Variants in LAMA1 observed in about 807,000 individuals in gnomAD.
The protein encoded by LAMA1 is laminin subunit alpha 1, also known as laminin subunit alpha-1.
Under a neutral mutation model 348.7 loss-of-function variants are expected in LAMA1, and 219 were observed. The ratio of observed to expected loss-of-function variants is 0.63; its 90% CI spans 0.56 to 0.70. The LOEUF (loss-of-function observed/expected upper bound fraction) is 0.70. Among genes scored for constraint, LAMA1 ranks in the 30% least tolerant of loss-of-function variants. The probability of loss-of-function intolerance (pLI) is 0.00; values close to 1 mark genes in which losing one functional copy is unlikely to be tolerated. For synonymous variants in LAMA1, 1,487 were observed against 1,491.0 expected (o/e 1.00, Z 0.06); for missense variants, 3,744 against 3,888.0 (o/e 0.96, Z 0.99).
chr18:6,963,831 C>T (rs2057620233), intron 51 of LAMA1: 1 of 152,160 alleles, frequency 6.6e-6, no homozygotes, highest in Admixed American at 6.6e-5. Context: ...ACCAGCCACA[C>T]AAAGTTTCTG....
chr18:7,075,000 A>T (rs2058161546), intron 3 of LAMA1, among the ~76,000 whole-genome samples: 1 of 113,572 alleles, frequency 8.8e-6, no homozygotes, highest in African/African-American at 3.6e-5. Flanking sequence ...AAAAAAAAAA[A>T]AAAATGCTGT....
At chr18:6,990,065 T>C (rs1408171923) in intron 36 of LAMA1, among the ~76,000 whole-genome samples, 5 of 152,222 alleles carry the variant, frequency 3.3e-5, no homozygotes, top group Admixed American at 2.6e-4. Flanking sequence ...TGGTTAATCA[T>C]GTTCAAGTCA....
intron 60 of LAMA1, among the ~76,000 whole-genome samples, chr18:6,947,916 T>C (rs2186904): frequency 0.76 from 116,073 of 152,004 alleles, 45,793 homozygotes; most frequent in Non-Finnish European, 0.87. Context: ...GCTGAGGCCA[T>C]GGAGGGGGCT....
In LAMA1 at chr18:6,995,327, G is replaced by T. The variant is rs1173939936; in HGVS notation, c.4896+30C>A. 2.7e-6 allele frequency: 4 copies of T among 1,482,904 alleles called. No individual in the cohort carries two copies. The African/African-American group carries it at 5.5e-5, about 21-fold the overall frequency. The allele number at this position is 1,482,904 out of a possible 1,614,324, so 91.9% of individuals were successfully genotyped here. On this transcript the variant is annotated intron_variant, in intron 34 of 62. Coordinates refer to ENST00000389658, the MANE Select transcript of LAMA1 (RefSeq NM_005559.4). ...GAGGGCTGATGGGAGGGACCAGGAG[G>T]AAGGTTGGTTGGTTATGGAAAGAAT...
intron 32 of LAMA1, among the ~76,000 whole-genome samples, chr18:6,998,268 A>G (rs2057791896): frequency 6.6e-6 from 1 of 152,200 alleles, no homozygotes; most frequent in Admixed American, 6.5e-5. Flanking sequence ...AGAGGGGTGA[A>G]CACACGCTGA....
intron 57 of LAMA1, among the ~76,000 whole-genome samples, chr18:6,953,211 A>G (rs143938905): frequency 2.9e-4 from 41 of 141,328 alleles, no homozygotes; most frequent in African/African-American, 1.3e-3. Context: ...GCCCGTGTCC[A>G]GCGGATCCAC....
intron 1 of LAMA1, among the ~76,000 whole-genome samples, chr18:7,089,866 G>C (rs577652325): frequency 6.6e-6 from 1 of 152,206 alleles, no homozygotes; most frequent in East Asian, 1.9e-4. Flanking sequence ...GGTTCAGGGG[G>C]GCTGTTTACA....
At position 7,043,233 on chromosome 18, in the gene LAMA1, T is replaced by C. The variant is rs1215129346; in HGVS notation, c.1149A>G (p.Pro383=). ...GGCAAAGAAATACTCTTACTTTGTG[T>C]GGTCTATAATATCCATCAATACAGG... ...CETCIDGYYR[P]HKVSPYEDEP... The change falls in exon 8 of 63, where the codon CCA becomes CCG. Residue 383 remains proline (P), a synonymous_variant. Coordinates refer to ENST00000389658, the MANE Select transcript of LAMA1 (RefSeq NM_005559.4). 1 of 1,614,144 alleles carries C rather than the reference T, an allele frequency of 6.2e-7. No homozygotes were observed. Among genetic ancestry groups the C allele is most frequent in the Admixed American group, 1.7e-5 (1 of 60,030 alleles).
chr18:7,044,251 T>C (rs150305688), intron 7 of LAMA1, among the ~76,000 whole-genome samples: 112 of 151,134 alleles, frequency 7.4e-4, no homozygotes, highest in Non-Finnish European at 1.5e-3. Flanking sequence ...GCTGGAGGGA[T>C]ATGTTAACAT....
chr18:7,003,375 C>A (rs925540721), intron 29 of LAMA1, among the ~76,000 whole-genome samples: 1 of 151,882 alleles, frequency 6.6e-6, no homozygotes, highest in Admixed American at 6.6e-5. Context: ...CTCAGCCTCC[C>A]GAGTAGCCGG....
At chr18:6,955,123 G>A (rs758497899) in intron 57 of LAMA1, 9 of 559,824 alleles carry the variant, frequency 1.6e-5, no homozygotes, top group Non-Finnish European at 2.6e-5. Flanking sequence ...GGGGAAGCCA[G>A]CCACTCTCCA....
chr18:7,014,381 G>T (rs1443376060), intron 22 of LAMA1, among the ~76,000 whole-genome samples: 2 of 152,172 alleles, frequency 1.3e-5, no homozygotes, highest in African/African-American at 4.8e-5. Context: ...GGCACTTTGG[G>T]ATACAGAGGT....
chr18:7,089,272 G>C (rs192750168), intron 1 of LAMA1, among the ~76,000 whole-genome samples: 1 of 152,038 alleles, frequency 6.6e-6, no homozygotes, highest in South Asian at 2.1e-4. Context: ...CCACCTAATC[G>C]GGAGATTGAG....
At chr18:7,016,916 T>C (rs996328957) in intron 20 of LAMA1, among the ~76,000 whole-genome samples, 1 of 152,158 alleles carries the variant, frequency 6.6e-6, no homozygotes, top group Non-Finnish European at 1.5e-5. Context: ...GTAATCCCCA[T>C]GTGTCAAAGG....
At chr18:6,985,500 C>T (rs11664115) in intron 38 of LAMA1, 27 bp downstream of exon 38, 367,434 of 1,608,486 alleles carry the variant, frequency 0.23, 44,907 homozygotes, top group Non-Finnish European at 0.26. Flanking sequence ...AAAAACTGTA[C>T]TGTGGCTGTG....
intron 1 of LAMA1, among the ~76,000 whole-genome samples, chr18:7,099,488 A>C (rs971445201): frequency 7.2e-6 from 1 of 138,392 alleles, no homozygotes; most frequent in African/African-American, 2.6e-5. Context: ...ATTTAAAAAA[A>C]AACAAAAAAA....
intron 29 of LAMA1, among the ~76,000 whole-genome samples, chr18:7,006,729 G>T (rs936953144): frequency 6.6e-6 from 1 of 152,174 alleles, no homozygotes; most frequent in African/African-American, 2.4e-5. Flanking sequence ...GCATGTTACC[G>T]TACTGAATAC....
chr18:7,050,751 A>G lies in LAMA1; in HGVS notation c.531T>C (p.Asp177=), dbSNP rs372452933. 1.4e-5 allele frequency: 22 copies of G among 1,614,178 alleles called. No homozygotes were observed. The highest frequency in any genetic ancestry group is 1.8e-5 in the Non-Finnish European group (21 of 1,180,028). ...PRRGPPTYRA[D]DEVICTSYYS... ...AATAGGAGGTGCAGATCACTTCATCATCAGCCCTGTAGGTGGGTGGCCCTC... is the reference window on the plus strand; with the variant it reads ...AATAGGAGGTGCAGATCACTTCATCGTCAGCCCTGTAGGTGGGTGGCCCTC... The change falls in exon 4 of 63, where the codon GAT becomes GAC. Residue 177 remains aspartate, a synonymous_variant. Coordinates refer to ENST00000389658, the MANE Select transcript of LAMA1 (RefSeq NM_005559.4).
At chr18:7,109,211 C>A (rs2058326102) in intron 1 of LAMA1, among the ~76,000 whole-genome samples, 1 of 152,134 alleles carries the variant, frequency 6.6e-6, no homozygotes, top group African/African-American at 2.4e-5. Flanking sequence ...AGTCCGGGGA[C>A]CGGCTTTATG....
Sources: allele counts gnomAD v4.1 joint callset (sites outside exome capture counted in the v4.1 genomes callset), GRCh38; gene constraint gnomAD v4.1.1; transcripts MANE v1.5; gene names NCBI Gene and HGNC (gene_info 2026-07-23, HGNC 2026-07-21).